The following BMP3 variants were observed in gnomAD, a reference collection of about 807,000 sequenced individuals.
BMP3 encodes the protein bone morphogenetic protein 3.
BMP3 carries 23 observed loss-of-function variants against 38.1 expected under a neutral mutation model. The observed-to-expected ratio is 0.60, with a 90% CI of 0.43 to 0.86. The LOEUF (loss-of-function observed/expected upper bound fraction) is 0.86, where lower values mean the gene tolerates loss of function less well. Ranked by LOEUF, BMP3 falls within the 40% of genes least tolerant of loss-of-function variation. BMP3 has a pLI of 0.00. For synonymous variants in BMP3, 258 were observed against 225.7 expected, an observed-to-expected ratio of 1.14 and a Z score of -1.28; for missense variants, 628 against 579.6, an observed-to-expected ratio of 1.08 and a Z score of -0.86.
intron 1 of BMP3, among the ~76,000 whole-genome samples, chr4:81,036,749 C>T (rs1334035268): frequency 6.6e-6 from 1 of 151,842 alleles, no homozygotes. Context: ...TGAAATGTAA[C>T]CCAAAAAGCT....
At chr4:81,048,767 G>A (rs1057180039) in intron 2 of BMP3, among the ~76,000 whole-genome samples, 18 of 152,162 alleles carry the variant, frequency 1.2e-4, no homozygotes, top group Admixed American at 7.9e-4. Context: ...AAATGTACAC[G>A]CTTGGTCATA....
At chr4:81,037,394 A>C (rs1228695736) in intron 1 of BMP3, 1 of 252,142 alleles carries the variant, frequency 4.0e-6, no homozygotes, top group African/African-American at 2.3e-5. Context: ...CTATTACCTA[A>C]AGCTAAGTGT....
In BMP3 at chr4:81,055,938, T is replaced by A. The variant is rs1375425872; in HGVS notation, c.*2402T>A. ...AGTTTTTCTGGGTGCTTTGTAACTA[T>A]CATTTTACTAATGAATTGAGGATGT... is the stretch of plus-strand genomic sequence containing the variant. On this transcript the variant is annotated 3_prime_UTR_variant, in exon 3 of 3. Transcript: ENST00000282701. The A allele has an allele frequency of 2.6e-5, 4 of 152,218 alleles. No homozygotes were observed. Among genetic ancestry groups the A allele is most frequent in the Non-Finnish European group, 5.9e-5 (4 of 68,026 alleles). 9.4% of individuals were successfully genotyped at this position (152,218 alleles called of 1,614,324 possible).
chr4:81,046,113 G>A lies in BMP3; in HGVS notation c.692G>A (p.Arg231Lys), dbSNP rs367604119. Residue 231 changes from arginine to lysine, a missense_variant, in exon 2 of 3, where the codon AGG (arginine) becomes AAG (lysine). Transcript: ENST00000282701. ...TCCAAGGGACGCCAGCTGCCAAAGA[G>A]GAGGTTACCTTTTCCAGAGCCTTAT... ...ITSKGRQLPK[R>K]RLPFPEPYIL... The A allele has an allele frequency of 6.2e-7, 1 of 1,614,170 alleles. No homozygotes were observed. The highest frequency in any genetic ancestry group is 8.5e-7 in the Non-Finnish European group (1 of 1,180,030).
intron 2 of BMP3, among the ~76,000 whole-genome samples, chr4:81,047,556 A>AAT (rs1560513287): frequency 6.6e-6 from 1 of 151,778 alleles, no homozygotes; most frequent in African/African-American, 2.4e-5. Flanking sequence ...TACCAAAAAA[A>AAT]AAAAAAGTTG....
rs1740227424 is a variant in BMP3 at position 81,046,022 on chromosome 4, G to T, written c.601G>T (p.Asp201Tyr). The T allele has an allele frequency of 1.2e-6, 2 of 1,614,152 alleles. No individual in the cohort carries two copies. The highest frequency in any genetic ancestry group is 1.7e-6 in the Non-Finnish European group (2 of 1,180,030). ...HRDIMSWLSK[D>Y]ITQLLRKAKE... is the part of the protein sequence containing the mutation. ...AGATATTATGTCCTGGCTGTCTAAA[G>T]ATATCACTCAACTCTTGAGGAAGGC... Residue 201 changes from aspartate to tyrosine, a missense_variant, in exon 2 of 3, where the codon GAT (aspartate) becomes TAT (tyrosine). Physicochemically the swap from Asp to Tyr is radical, Grantham distance 160 (BLOSUM62 -3). Transcript: ENST00000282701.
intron 1 of BMP3, among the ~76,000 whole-genome samples, chr4:81,034,546 A>C (rs1054001667): frequency 1.3e-5 from 2 of 152,162 alleles, no homozygotes; most frequent in African/African-American, 4.8e-5. Flanking sequence ...TCCTTTTCTT[A>C]ATGACAAATA....
In BMP3 at chr4:81,036,530, T is replaced by C. The variant is rs1455730628; in HGVS notation, c.316+4930T>C. Among the ~76,000 whole-genome samples, 8 of 152,062 alleles carry C rather than the reference T, an allele frequency of 5.3e-5. No homozygotes were observed. In the South Asian group the frequency reaches 8.3e-4, roughly 16 times the overall value. ...CTAATAATCAGTTAGTGTCTTAATGTCTTTATTTTGGGGGTAGTAGTGGAA... is the reference window on the plus strand; with the variant it reads ...CTAATAATCAGTTAGTGTCTTAATGCCTTTATTTTGGGGGTAGTAGTGGAA... On this transcript the variant is annotated intron_variant, in intron 1 of 2. Transcript: ENST00000282701.
At chr4:81,036,009 T>G (rs1739913832) in intron 1 of BMP3, among the ~76,000 whole-genome samples, 1 of 152,014 alleles carries the variant, frequency 6.6e-6, no homozygotes, top group Non-Finnish European at 1.5e-5. Flanking sequence ...CATTTTGGAC[T>G]TGGGTTCAAT....
chr4:81,055,572 T>C lies in BMP3; in HGVS notation c.*2036T>C, dbSNP rs1476342649. 6.6e-6 allele frequency: 1 copy of C among 152,128 alleles called. No individual in the cohort carries two copies. The highest frequency in any genetic ancestry group is 1.5e-5 in the Non-Finnish European group (1 of 67,998). The allele number at this position is 152,128 out of a possible 1,614,324, so 9.4% of individuals were successfully genotyped here. A position where few individuals can be genotyped will look rare whatever the true frequency, so the allele number is the denominator to read the frequency against. On this transcript the variant is annotated 3_prime_UTR_variant, in exon 3 of 3. Coordinates refer to ENST00000282701, the MANE Select transcript of BMP3 (RefSeq NM_001201.5). ...GGCCAGAGTGTGGCCACCATCCTGA[T>C]CGTACTGTTTTTCAATAAAGAAAAC...
Position 81,031,290 on chromosome 4 carries a change from T to G in BMP3, c.6T>G (p.Ala2=). Residue 2 remains alanine (A), a synonymous_variant, in exon 1 of 3, where the codon GCT becomes GCG. Transcript: ENST00000282701. The part of the protein sequence containing the change: M[A]GASRLLFLWL... ...CGCCGCGCGGGTACCTAGCCATGGC[T>G]GGGGCGAGCAGGCTGCTCTTTCTGT... 1.2e-6 allele frequency: 2 copies of G among 1,601,642 alleles called. No individual in the cohort carries two copies. The highest frequency in any genetic ancestry group is 1.1e-5 in the South Asian group (1 of 88,720).
rs570270711 is a variant in BMP3, at chr4:81,032,152, A to G, written c.316+552A>G. Reference sequence around the variant, plus strand: ...GCTCCTAATTCGCGCCCTTTGTGTTACTGTACTATATTTGACACTTTACTT... The same window carrying G: ...GCTCCTAATTCGCGCCCTTTGTGTTGCTGTACTATATTTGACACTTTACTT... On this transcript the variant is annotated intron_variant, in intron 1 of 2. Transcript: ENST00000282701. Among the ~76,000 whole-genome samples the G allele has an allele frequency of 1.0e-4, 13 of 129,902 alleles. No homozygotes were observed. The East Asian group carries it at 3.3e-3, about 33-fold the overall frequency. 85.2% of individuals were successfully genotyped at this position (129,902 alleles called of 152,430 possible). A position where few individuals can be genotyped will look rare whatever the true frequency, so the allele number is the denominator to read the frequency against.
At position 81,032,194 on chromosome 4, in the gene BMP3, C is replaced by CAAAAAAAAAAAA. The variant is rs5859748; in HGVS notation, c.316+609_316+620dup. Among the ~76,000 whole-genome samples, 149 of 74,024 alleles carry CAAAAAAAAAAAA rather than the reference C, an allele frequency of 2.0e-3. 22 individuals carry two copies. Among genetic ancestry groups the CAAAAAAAAAAAA allele is most frequent in the African/African-American group, 6.8e-3 (141 of 20,682 alleles). 48.6% of individuals were successfully genotyped at this position (74,024 alleles called of 152,430 possible). A position where few individuals can be genotyped will look rare whatever the true frequency, so the allele number is the denominator to read the frequency against. ...ACTTTACTTGATAGTTCCTTAGTGG[C>CAAAAAAAAAAAA]AAAAAAAAAAAAAAAAAAAAAAAAA... On this transcript the variant is annotated intron_variant, in intron 1 of 2. Coordinates refer to ENST00000282701, the MANE Select transcript of BMP3 (RefSeq NM_001201.5).
intron 1 of BMP3, among the ~76,000 whole-genome samples, chr4:81,040,726 G>A (rs972549471): frequency 2.6e-5 from 4 of 152,112 alleles, no homozygotes; most frequent in South Asian, 2.1e-4. Context: ...TGGTTACAAT[G>A]AGAGCACCCA....
Position 81,046,418 on chromosome 4 carries a change from A to G in BMP3, c.997A>G (p.Lys333Glu), listed in dbSNP as rs755524946. ...TCAGGCTCAGGCCCCTGAAAAGAGT[A>G]AGAATAAAAAGAAACAGAGAAAGGG... ...TLQAQAPEKS[K>E]NKKKQRKGPH... The change falls in exon 2 of 3, where the codon AAG (lysine) becomes GAG (glutamate). Residue 333 changes from lysine to glutamate, a missense_variant. Transcript: ENST00000282701. 51 of 1,613,714 alleles carry G rather than the reference A, an allele frequency of 3.2e-5. No homozygotes were observed. Among genetic ancestry groups the G allele is most frequent in the Non-Finnish European group, 4.3e-5 (51 of 1,179,932 alleles).
chr4:81,040,187 G>A (rs1262677804), intron 1 of BMP3, among the ~76,000 whole-genome samples: 1 of 152,148 alleles, frequency 6.6e-6, no homozygotes, highest in Admixed American at 6.6e-5. Flanking sequence ...TAACTAGGCT[G>A]CAATAAATAC....
chr4:81,039,791 A>C (rs986191908), intron 1 of BMP3, among the ~76,000 whole-genome samples: 2 of 152,184 alleles, frequency 1.3e-5, no homozygotes, highest in Non-Finnish European at 2.9e-5. Context: ...CTTTAGGGTC[A>C]AGCCCTGTGT....
chr4:81,047,710 C>T (rs1201347681), intron 2 of BMP3, among the ~76,000 whole-genome samples: 3 of 152,026 alleles, frequency 2.0e-5, no homozygotes, highest in South Asian at 4.1e-4. Context: ...TCTAAAATAG[C>T]GTTTTCATGT....
chr4:81,049,574 A>G lies in BMP3; in HGVS notation c.1227+2926A>G, dbSNP rs185886564. Among the ~76,000 whole-genome samples the G allele has an allele frequency of 2.0e-3, 299 of 152,218 alleles. 1 individual carries two copies. The highest frequency in any genetic ancestry group is 3.4e-3 in the Middle Eastern group (1 of 294). Reference sequence around the variant, plus strand: ...GTTTGGCTGTTACATAGAGTTCTCAATCTCTCATCACCTTGTGTGTATCTG... The same window carrying G: ...GTTTGGCTGTTACATAGAGTTCTCAGTCTCTCATCACCTTGTGTGTATCTG... On this transcript the variant is annotated intron_variant, in intron 2 of 2. Transcript: ENST00000282701.
Sources: allele counts gnomAD v4.1 joint callset (sites outside exome capture counted in the v4.1 genomes callset), GRCh38; gene constraint gnomAD v4.1.1; transcripts MANE v1.5; gene names NCBI Gene and HGNC (gene_info 2026-07-23, HGNC 2026-07-21).